Variants in PDZRN3 observed in about 807,000 individuals in gnomAD.
PDZRN3 encodes E3 ubiquitin-protein ligase PDZRN3.
PDZRN3 carries 38 observed loss-of-function variants against 85.7 expected under a neutral mutation model. The ratio of observed to expected loss-of-function variants is 0.44; its 90% confidence interval spans 0.34 to 0.58. The LOEUF (loss-of-function observed/expected upper bound fraction) is 0.58. Ranked by LOEUF, PDZRN3 falls within the 20% of genes least tolerant of loss-of-function variation. The pLI is 0.01. For synonymous variants in PDZRN3, 759 were observed against 638.0 expected (o/e 1.19, Z -2.86); for missense variants, 1,629 against 1,506.4 (o/e 1.08, Z -1.35).
intron 3 of PDZRN3, among the ~76,000 whole-genome samples, chr3:73,551,846 C>T (rs1324636704): frequency 1.3e-5 from 2 of 152,114 alleles, no homozygotes; most frequent in African/African-American, 2.4e-5. Context: ...TTTATACCTG[C>T]ATGTGATTTT....
At chr3:73,512,296 G>A (rs1001109255) in intron 3 of PDZRN3, among the ~76,000 whole-genome samples, 2 of 152,222 alleles carry the variant, frequency 1.3e-5, no homozygotes, top group Admixed American at 6.5e-5. Context: ...CACTAGGAAC[G>A]CACTTTACAT....
chr3:73,624,235 C>T lies in PDZRN3; in HGVS notation c.591G>A (p.Ser197=). Residue 197 remains serine, a synonymous_variant, in exon 1 of 10, where the codon TCG becomes TCA. Coordinates refer to ENST00000263666, the MANE Select transcript of PDZRN3 (RefSeq NM_015009.3). ...GCGCCGCGGCCAGCTGGGCCACCAGCGACTTCTCGCGCTTCCCAGCGCGCA... is the reference window on the plus strand; with the variant it reads ...GCGCCGCGGCCAGCTGGGCCACCAGTGACTTCTCGCGCTTCCCAGCGCGCA... ...EALRAGKREK[S]LVAQLAAAQL... The T allele has an allele frequency of 2.0e-6, 3 of 1,473,568 alleles. No individual in the cohort carries two copies. The highest frequency in any genetic ancestry group is 2.7e-6 in the Non-Finnish European group (3 of 1,118,320). The allele number at this position is 1,473,568 out of a possible 1,614,324, so 91.3% of individuals were successfully genotyped here.
chr3:73,608,246 TCGGTCTAGGA>T (rs946838373), intron 2 of PDZRN3, among the ~76,000 whole-genome samples: 23 of 152,266 alleles, frequency 1.5e-4, no homozygotes, highest in Admixed American at 5.9e-4. Flanking sequence ...ACACTCCAGC[TCGGTCTAGGA>T]CGGTGGCTGG....
intron 5 of PDZRN3, among the ~76,000 whole-genome samples, chr3:73,399,033 C>T (rs1178057791): frequency 2.0e-5 from 3 of 152,150 alleles, no homozygotes; most frequent in Non-Finnish European, 2.9e-5. Flanking sequence ...CAGTGAATCT[C>T]CTGAAACCAT....
intron 3 of PDZRN3, among the ~76,000 whole-genome samples, chr3:73,580,549 C>G (rs755514967): frequency 5.3e-5 from 8 of 152,210 alleles, no homozygotes; most frequent in Non-Finnish European, 7.3e-5. Flanking sequence ...CAAAGTGATC[C>G]TGTGATGTCA....
At chr3:73,576,180 C>A (rs952031101) in intron 3 of PDZRN3, among the ~76,000 whole-genome samples, 4 of 152,030 alleles carry the variant, frequency 2.6e-5, no homozygotes, top group Non-Finnish European at 4.4e-5. Context: ...TTTCCTTTAC[C>A]CTCCACTACC....
intron 3 of PDZRN3, among the ~76,000 whole-genome samples, chr3:73,538,893 T>C (rs1397617564): frequency 2.0e-5 from 3 of 152,194 alleles, no homozygotes; most frequent in Non-Finnish European, 4.4e-5. Context: ...TCACTGTGTT[T>C]CTTTAAGGTG....
chr3:73,510,909 C>T (rs559662525), intron 3 of PDZRN3, among the ~76,000 whole-genome samples: 1 of 152,248 alleles, frequency 6.6e-6, no homozygotes, highest in African/African-American at 2.4e-5. Flanking sequence ...ATGATAGGTA[C>T]TATACTCATC....
At chr3:73,545,845 T>C (rs1445814982) in intron 3 of PDZRN3, among the ~76,000 whole-genome samples, 2 of 152,094 alleles carry the variant, frequency 1.3e-5, no homozygotes, top group Non-Finnish European at 2.9e-5. Context: ...ATTAGAAGGG[T>C]TGTTCTGAGG....
chr3:73,591,478 GAAATAAAAA>G (rs1180193085), intron 3 of PDZRN3, among the ~76,000 whole-genome samples: 1 of 152,010 alleles, frequency 6.6e-6, no homozygotes, highest in South Asian at 2.1e-4. Context: ...ATATCAAAAA[GAAATAAAAA>G]ACAAATTAAA....
chr3:73,518,793 C>T (rs1704299212), intron 3 of PDZRN3, among the ~76,000 whole-genome samples: 1 of 152,140 alleles, frequency 6.6e-6, no homozygotes, highest in African/African-American at 2.4e-5. Flanking sequence ...TTTATAATCA[C>T]TAATCCCATT....
intron 5 of PDZRN3, among the ~76,000 whole-genome samples, chr3:73,392,331 C>G (rs1441453459): frequency 6.6e-6 from 1 of 152,210 alleles, no homozygotes; most frequent in Non-Finnish European, 1.5e-5. Flanking sequence ...TAATGGGAAC[C>G]CATCAAAAGG....
intron 3 of PDZRN3, among the ~76,000 whole-genome samples, chr3:73,429,662 C>T (rs1702389783): frequency 6.6e-6 from 1 of 152,162 alleles, no homozygotes. Context: ...AGTTTTCTGG[C>T]AGGTCACAGT....
intron 3 of PDZRN3, among the ~76,000 whole-genome samples, chr3:73,432,050 G>C (rs1471522540): frequency 6.6e-6 from 1 of 152,160 alleles, no homozygotes; most frequent in African/African-American, 2.4e-5. Flanking sequence ...ATTTTTAAAA[G>C]GCAAATTTTA....
chr3:73,534,774 C>T (rs1704737611), intron 3 of PDZRN3, among the ~76,000 whole-genome samples: 1 of 152,140 alleles, frequency 6.6e-6, no homozygotes, highest in Non-Finnish European at 1.5e-5. Flanking sequence ...TCTAAGATAC[C>T]TTTACGGAAC....
chr3:73,460,290 C>G (rs1033504467), intron 3 of PDZRN3, among the ~76,000 whole-genome samples: 1 of 152,272 alleles, frequency 6.6e-6, no homozygotes, highest in South Asian at 2.1e-4. Flanking sequence ...CAGGGCAAAT[C>G]ACTACCTATG....
At chr3:73,448,773 C>T (rs1417983619) in intron 3 of PDZRN3, among the ~76,000 whole-genome samples, 1 of 152,164 alleles carries the variant, frequency 6.6e-6, no homozygotes, top group African/African-American at 2.4e-5. Flanking sequence ...TTGTGGCTAC[C>T]CCTGAGGATA....
intron 3 of PDZRN3, among the ~76,000 whole-genome samples, chr3:73,563,289 C>T (rs1025339620): frequency 2.6e-5 from 4 of 151,348 alleles, no homozygotes; most frequent in Non-Finnish European, 5.9e-5. Context: ...CCCGCCTCGG[C>T]CCCCCAAAGT....
At chr3:73,522,123 G>A (rs1052781238) in intron 3 of PDZRN3, among the ~76,000 whole-genome samples, 5 of 152,022 alleles carry the variant, frequency 3.3e-5, no homozygotes, top group Non-Finnish European at 5.9e-5. Context: ...TCATCTTGTC[G>A]ACGGCCGCTT....
Sources: allele counts gnomAD v4.1 joint callset (sites outside exome capture counted in the v4.1 genomes callset), GRCh38; gene constraint gnomAD v4.1.1; transcripts MANE v1.5; gene names NCBI Gene and HGNC (gene_info 2026-07-23, HGNC 2026-07-21).